CAP2: variants seen among roughly 807,000 people sequenced by gnomAD.
CAP2 encodes adenylyl cyclase-associated protein 2.
CAP2 carries 24 observed loss-of-function variants against 57.7 expected under a neutral mutation model. That is an observed-to-expected ratio of 0.42 (90% CI 0.30 to 0.58). CAP2 has a LOEUF of 0.58. Ranked by LOEUF, CAP2 falls within the 20% of genes least tolerant of loss-of-function variation. The probability of loss-of-function intolerance (pLI) is 0.22; values close to 1 mark genes in which losing one functional copy is unlikely to be tolerated. For missense variants in CAP2, 501 were observed against 590.3 expected (o/e 0.85, Z 1.57); for synonymous variants, 194 against 207.2 (o/e 0.94, Z 0.55).
In CAP2 at chr6:17,469,367, A is replaced by G. The variant is rs913128219; in HGVS notation, c.300+6294A>G. On this transcript the variant is annotated intron_variant, in intron 4 of 12. Coordinates refer to ENST00000229922, the MANE Select transcript of CAP2 (RefSeq NM_006366.3). Reference sequence around the variant, plus strand: ...TTTCTCCAGCATTTCTCGTGCTGCTAAGACCTGACAGTGAAATGATCTCTG... The same window carrying G: ...TTTCTCCAGCATTTCTCGTGCTGCTGAGACCTGACAGTGAAATGATCTCTG... Among the ~76,000 whole-genome samples the G allele has an allele frequency of 1.6e-4, 25 of 152,130 alleles. No individual in the cohort carries two copies. In the South Asian group the frequency reaches 2.1e-3, roughly 13 times the overall value.
At chr6:17,529,020 A>G (rs1762572797) in intron 7 of CAP2, among the ~76,000 whole-genome samples, 1 of 151,520 alleles carries the variant, frequency 6.6e-6, no homozygotes, top group South Asian at 2.1e-4. Flanking sequence ...GTTTGAAACC[A>G]GCCTGGGCAA....
rs1363036708 is a variant in CAP2 at position 17,439,288 on chromosome 6, C to G, written c.222+12598C>G. ...TTTTTCCAGATAGGTTCCTGCAGTT[C>G]CCATCACTATCATTAATCAGTCCAT... On this transcript the variant is annotated intron_variant, in intron 3 of 12. Transcript: ENST00000229922. 2.7e-5 allele frequency among the ~76,000 whole-genome samples: 4 copies of G among 147,998 alleles called. 1 individual carries two copies. Among genetic ancestry groups the G allele is most frequent in the African/African-American group, 7.7e-5 (3 of 39,178 alleles).
At chr6:17,438,238 T>C (rs1299726632) in intron 3 of CAP2, among the ~76,000 whole-genome samples, 2 of 150,400 alleles carry the variant, frequency 1.3e-5, no homozygotes, top group South Asian at 2.1e-4. Context: ...TGGAGGTGGG[T>C]GCCTGTAATC....
At chr6:17,480,741 A>C (rs1401771124) in intron 4 of CAP2, among the ~76,000 whole-genome samples, 1 of 151,812 alleles carries the variant, frequency 6.6e-6, no homozygotes, top group Non-Finnish European at 1.5e-5. Context: ...CCCATCTGCC[A>C]AGATGACTTG....
In CAP2 at chr6:17,437,649, C is replaced by T. The variant is rs76109067; in HGVS notation, c.222+10959C>T. Among the ~76,000 whole-genome samples, 94 of 151,488 alleles carry T rather than the reference C, an allele frequency of 6.2e-4. 1 individual carries two copies. In the East Asian group the frequency reaches 0.016, roughly 25 times the overall value. ...ATCTCAGCACTTTGGGAGGCTGAGG[C>T]GGGAGGATCATGAGGTCAAAAGATC... On this transcript the variant is annotated intron_variant, in intron 3 of 12. Transcript: ENST00000229922.
chr6:17,556,866 A>G lies in CAP2; in HGVS notation c.*424A>G, dbSNP rs1763325243. ...TTAGGCAATTTCAATATAATGTAGA[A>G]GTAGTAGTGTGCCCTGAAAAATGTA... On this transcript the variant is annotated 3_prime_UTR_variant, in exon 13 of 13. Coordinates refer to ENST00000229922, the MANE Select transcript of CAP2 (RefSeq NM_006366.3). 1 of 166,446 alleles carries G rather than the reference A, an allele frequency of 6.0e-6. No individual in the cohort carries two copies. The highest frequency in any genetic ancestry group is 6.0e-5 in the Admixed American group (1 of 16,796). 10.3% of individuals were successfully genotyped at this position (166,446 alleles called of 1,614,324 possible).
intron 4 of CAP2, among the ~76,000 whole-genome samples, chr6:17,480,797 C>G (rs1430741776): frequency 3.7e-5 from 5 of 134,194 alleles, no homozygotes; most frequent in African/African-American, 1.4e-4. Flanking sequence ...TTTTTTGAGA[C>G]AGAGTTTGCT....
intron 1 of CAP2, among the ~76,000 whole-genome samples, chr6:17,409,146 C>T (rs1445489660): frequency 3.3e-5 from 5 of 150,480 alleles, no homozygotes; most frequent in South Asian, 2.1e-4. Context: ...CTGAGGCAGG[C>T]GAGTCACCTG....
chr6:17,500,351 A>ATATATG lies in CAP2; in HGVS notation c.301-6813_301-6812insGTATAT, dbSNP rs1449340962. 5.2e-5 allele frequency among the ~76,000 whole-genome samples: 4 copies of ATATATG among 76,348 alleles called. 1 individual carries two copies. Among genetic ancestry groups the ATATATG allele is most frequent in the Admixed American group, 4.9e-4 (4 of 8,236 alleles). The allele number at this position is 76,348 out of a possible 152,430, so 50.1% of individuals were successfully genotyped here. On this transcript the variant is annotated intron_variant, in intron 4 of 12. Coordinates refer to ENST00000229922, the MANE Select transcript of CAP2 (RefSeq NM_006366.3). ...TATGTGTGTGTCCAAATATATATATATATATATATATATATATATATATAT... is the reference window on the plus strand; with the variant it reads ...TATGTGTGTGTCCAAATATATATATATATATGTATATATATATATATATATATATAT...
intron 3 of CAP2, among the ~76,000 whole-genome samples, chr6:17,438,138 T>G (rs961972397): frequency 6.8e-6 from 1 of 146,820 alleles, no homozygotes; most frequent in African/African-American, 2.7e-5. Flanking sequence ...GAGGCCAAGG[T>G]GGGCGGATCA....
At chr6:17,548,193 C>G (rs1255182638) in intron 11 of CAP2, among the ~76,000 whole-genome samples, 2 of 151,912 alleles carry the variant, frequency 1.3e-5, no homozygotes, top group East Asian at 2.0e-4. Flanking sequence ...CGGTGAAACC[C>G]CATTTCTACT....
At chr6:17,521,210 C>T (rs979229842) in intron 7 of CAP2, among the ~76,000 whole-genome samples, 5 of 151,820 alleles carry the variant, frequency 3.3e-5, no homozygotes, top group Admixed American at 6.6e-5. Flanking sequence ...GTCAGGAGAT[C>T]GAGACCATCC....
intron 1 of CAP2, among the ~76,000 whole-genome samples, chr6:17,407,998 AAG>A (rs1399534089): frequency 6.6e-6 from 1 of 152,092 alleles, no homozygotes; most frequent in African/African-American, 2.4e-5. Flanking sequence ...ATTTTCTTTT[AAG>A]AGAGTTGCTG....
At chr6:17,406,243 G>A (rs1256288827) in intron 1 of CAP2, among the ~76,000 whole-genome samples, 1 of 151,972 alleles carries the variant, frequency 6.6e-6, no homozygotes, top group African/African-American at 2.4e-5. Flanking sequence ...TTCTTTTAAA[G>A]TTTAAGGTGC....
At chr6:17,473,753 A>G (rs1338582695) in intron 4 of CAP2, among the ~76,000 whole-genome samples, 1 of 152,182 alleles carries the variant, frequency 6.6e-6, no homozygotes, top group Non-Finnish European at 1.5e-5. Flanking sequence ...TTTTATGGTC[A>G]TGTTCTATAT....
At chr6:17,484,271 C>G (rs1406615608) in intron 4 of CAP2, among the ~76,000 whole-genome samples, 1 of 152,038 alleles carries the variant, frequency 6.6e-6, no homozygotes, top group African/African-American at 2.4e-5. Flanking sequence ...ATTTCCATAG[C>G]AGTTGCACGA....
rs774691333 is a variant in CAP2 at position 17,541,070 on chromosome 6, A to G, written c.924A>G (p.Pro308=). The G allele has an allele frequency of 3.1e-5, 50 of 1,613,984 alleles. No homozygotes were observed. The highest frequency in any genetic ancestry group is 4.2e-5 in the Non-Finnish European group (50 of 1,179,980). ...QTQSPTKSHT[P]SPTSPKSYPS... ...AATCTCCCACCAAAAGTCACACTCC[A>G]AGTCCCACATCTCCTAAATCTTATC... Residue 308 remains proline, a synonymous_variant, in exon 9 of 13, where the codon CCA becomes CCG. Transcript: ENST00000229922.
intron 3 of CAP2, among the ~76,000 whole-genome samples, chr6:17,436,422 C>G (rs568451536): frequency 6.6e-6 from 1 of 152,090 alleles, no homozygotes. Context: ...CATGAGCCAC[C>G]GCGCCTGGCC....
intron 4 of CAP2, among the ~76,000 whole-genome samples, chr6:17,499,068 AT>A (rs1246467384): frequency 6.6e-6 from 1 of 152,072 alleles, no homozygotes; most frequent in African/African-American, 2.4e-5. Context: ...GAAAAAAAAA[AT>A]GTGCCAATGA....
Sources: gnomAD v4.1 joint callset for allele counts (sites outside exome capture counted in the v4.1 genomes callset) on GRCh38, gnomAD v4.1.1 for gene constraint, MANE v1.5 for transcripts, NCBI Gene and HGNC (gene_info 2026-07-23, HGNC 2026-07-21) for gene names.